TEX9: variants seen among roughly 807,000 people sequenced by gnomAD.
The protein encoded by TEX9 is testis-expressed protein 9.
In TEX9, 74 loss-of-function variants were observed where a neutral mutation model predicts 59.6. The observed-to-expected ratio is 1.24, with a 90% CI of 1.03 to 1.51. The LOEUF is 1.51. Ranked by LOEUF, TEX9 falls within the 40% of genes most tolerant of loss-of-function variation. The pLI is 0.00. For synonymous variants in TEX9, 186 were observed against 152.2 expected (o/e 1.22, Z -1.64); for missense variants, 522 against 447.8 (o/e 1.17, Z -1.49).
chr15:56,284,227 C>T (rs2044888376), intron 1 of TEX9, among the ~76,000 whole-genome samples: 1 of 152,094 alleles, frequency 6.6e-6, no homozygotes, highest in Non-Finnish European at 1.5e-5. Context: ...AAACTACTGA[C>T]CTCAAGTGAT....
At chr15:56,396,220 T>A (rs920050881) in intron 9 of TEX9, 1 of 152,194 alleles carries the variant, frequency 6.6e-6, no homozygotes, top group Non-Finnish European at 1.5e-5. Flanking sequence ...GTTTGTATGG[T>A]CATATTTAAA....
At chr15:56,331,571 A>G (rs7167275) in intron 1 of TEX9, among the ~76,000 whole-genome samples, 11,341 of 152,240 alleles carry the variant, frequency 0.074, 1,461 homozygotes, top group African/African-American at 0.26. Flanking sequence ...CAATAAAGAG[A>G]TTAAGAAGGA....
chr15:56,383,212 G>A (rs573479318), intron 3 of TEX9, among the ~76,000 whole-genome samples: 30 of 152,330 alleles, frequency 2.0e-4, no homozygotes, highest in African/African-American at 7.2e-4. Context: ...CCCAGTCACT[G>A]TGCTGTCCCT....
intron 1 of TEX9, among the ~76,000 whole-genome samples, chr15:56,256,612 G>A (rs532230971): frequency 8.6e-4 from 131 of 151,554 alleles, no homozygotes; most frequent in Admixed American, 1.8e-3. Context: ...TTTTTGAAAA[G>A]AACCAAAAAT....
chr15:56,426,615 A>ATGTG (rs2050277646), intron 10 of TEX9, among the ~76,000 whole-genome samples: 2 of 53,746 alleles, frequency 3.7e-5, no homozygotes, highest in Middle Eastern at 0.012. Context: ...ATATATATAT[A>ATGTG]TATATATATA....
intron 3 of TEX9, among the ~76,000 whole-genome samples, chr15:56,377,628 G>C (rs994931061): frequency 2.6e-5 from 4 of 152,020 alleles, no homozygotes; most frequent in African/African-American, 9.7e-5. Flanking sequence ...ATTTCTAATA[G>C]TTTTTGGTGG....
chr15:56,258,427 A>G (rs1011134776), intron 1 of TEX9, among the ~76,000 whole-genome samples: 1 of 152,102 alleles, frequency 6.6e-6, no homozygotes, highest in African/African-American at 2.4e-5. Context: ...TGAGCATGGA[A>G]TGTTTTTCCA....
At chr15:56,432,837 T>A (rs938386350) in intron 12 of TEX9, among the ~76,000 whole-genome samples, 1 of 152,208 alleles carries the variant, frequency 6.6e-6, no homozygotes, top group Admixed American at 6.5e-5. Context: ...TGCATTATTT[T>A]GACTCCTACT....
chr15:56,270,305 A>G (rs1410875062), intron 1 of TEX9, among the ~76,000 whole-genome samples: 1 of 152,056 alleles, frequency 6.6e-6, no homozygotes, highest in African/African-American at 2.4e-5. Context: ...GTCTCTCAGG[A>G]CTTGCTTTAT....
chr15:56,246,430 T>A (rs2043859116), intron 1 of TEX9, among the ~76,000 whole-genome samples: 1 of 152,184 alleles, frequency 6.6e-6, no homozygotes. Flanking sequence ...GTGGGTGTTT[T>A]GTTCCAGTCT....
chr15:56,401,947 C>G (rs1373199954), intron 9 of TEX9, among the ~76,000 whole-genome samples: 2 of 152,134 alleles, frequency 1.3e-5, no homozygotes, highest in East Asian at 1.9e-4. Flanking sequence ...AACAAAGACA[C>G]AACATACCAG....
At chr15:56,305,643 G>T (rs1172735227) in intron 1 of TEX9, among the ~76,000 whole-genome samples, 1 of 152,062 alleles carries the variant, frequency 6.6e-6, no homozygotes, top group Non-Finnish European at 1.5e-5. Context: ...TTAAACACTT[G>T]TCTAAGACCT....
At chr15:56,316,341 C>A (rs1483756353) in intron 1 of TEX9, among the ~76,000 whole-genome samples, 2 of 151,880 alleles carry the variant, frequency 1.3e-5, no homozygotes, top group Non-Finnish European at 2.9e-5. Flanking sequence ...TGTGGTTGTC[C>A]TTTCTGTTTG....
At chr15:56,428,456 CAGTT>C (rs564262961) in exon 12 of TEX9, 2 of 1,590,076 alleles carry the variant, frequency 1.3e-6, no homozygotes, top group Middle Eastern at 1.7e-4. Context: ...TGATCTACTT[CAGTT>C]AGTCTCTATG....
intron 1 of TEX9, among the ~76,000 whole-genome samples, chr15:56,269,856 C>A (rs1481758861): frequency 6.6e-6 from 1 of 151,938 alleles, no homozygotes; most frequent in East Asian, 1.9e-4. Context: ...TGGGGTTTCA[C>A]CGTGTTAGCC....
At chr15:56,358,449 A>G (rs1160307262) in intron 1 of TEX9, among the ~76,000 whole-genome samples, 9 of 152,010 alleles carry the variant, frequency 5.9e-5, no homozygotes. Flanking sequence ...AAAAAAAAAA[A>G]GATTTAATTT....
chr15:56,371,964 G>C (rs533685736), intron 2 of TEX9, among the ~76,000 whole-genome samples: 1 of 152,076 alleles, frequency 6.6e-6, no homozygotes, highest in Non-Finnish European at 1.5e-5. Flanking sequence ...AAGCTATTTT[G>C]GCTTCTGTTC....
chr15:56,282,802 G>A (rs1217410682), intron 1 of TEX9, among the ~76,000 whole-genome samples: 2 of 152,108 alleles, frequency 1.3e-5, no homozygotes, highest in Non-Finnish European at 2.9e-5. Context: ...ATATTGCAAA[G>A]TGAGGGAAAT....
chr15:56,320,799 A>T (rs1321968566), intron 1 of TEX9, among the ~76,000 whole-genome samples: 1 of 152,192 alleles, frequency 6.6e-6, no homozygotes, highest in Non-Finnish European at 1.5e-5. Context: ...GTCCTGGCAA[A>T]CCTGGCCATA....
Sources: gnomAD v4.1 joint callset for allele counts (sites outside exome capture counted in the v4.1 genomes callset) on GRCh38, gnomAD v4.1.1 for gene constraint, MANE v1.5 for transcripts, NCBI Gene and HGNC (gene_info 2026-07-23, HGNC 2026-07-21) for gene names.